The following ST6GALNAC6 variants were observed in gnomAD, a reference collection of about 807,000 sequenced individuals.
ST6GALNAC6 encodes the protein ST6 N-acetylgalactosaminide alpha-2,6-sialyltransferase 6.
Under a neutral mutation model 34.3 loss-of-function variants are expected in ST6GALNAC6, and 19 were observed. The ratio of observed to expected loss-of-function variants is 0.55; its 90% confidence interval spans 0.39 to 0.81. The LOEUF (loss-of-function observed/expected upper bound fraction) is 0.81. ST6GALNAC6 is among the 40% of genes least tolerant of loss of function. The pLI is 0.00. For synonymous variants in ST6GALNAC6, 185 were observed against 182.1 expected (o/e 1.02, Z -0.13); for missense variants, 377 against 467.7 (o/e 0.81, Z 1.79).
In ST6GALNAC6 at chr9:127,887,595, G is replaced by C; in HGVS notation, c.705-4C>G. On this transcript the variant is annotated splice_polypyrimidine_tract_variant and splice_region_variant and intron_variant, in intron 5 of 6. Coordinates refer to ENST00000373146, the MANE Select transcript of ST6GALNAC6 (RefSeq NM_013443.5). ...CAACCACGAATGAGACTTCTCCCTG[G>C]GGATGGAGAGGGGTCACGATGAGGG... 6.2e-7 allele frequency: 1 copy of C among 1,605,584 alleles called. No individual in the cohort carries two copies. Among genetic ancestry groups the C allele is most frequent in the Non-Finnish European group, 8.5e-7 (1 of 1,174,794 alleles).
At chr9:127,906,269 C>A (rs181187665), upstream of ST6GALNAC6, among the ~76,000 whole-genome samples, 198 of 151,954 alleles carry the variant, frequency 1.3e-3, no homozygotes, top group Non-Finnish European at 2.2e-3. Context: ...ACAAAACAAA[C>A]AAACAAAAAA....
At chr9:127,906,093 G>A, upstream of ST6GALNAC6, 7 of 938,902 alleles carry the variant, frequency 7.5e-6, no homozygotes, top group Non-Finnish European at 8.9e-6. Flanking sequence ...GGGCACAAAA[G>A]CGGTGCTGTG....
intron 4 of ST6GALNAC6, among the ~76,000 whole-genome samples, chr9:127,892,140 A>G (rs949916703): frequency 5.3e-5 from 8 of 152,196 alleles, no homozygotes; most frequent in Admixed American, 2.6e-4. Flanking sequence ...AACAAAAGCG[A>G]AACTCCATCT....
chr9:127,889,498 C>T (rs962245417), intron 5 of ST6GALNAC6, among the ~76,000 whole-genome samples: 23 of 148,054 alleles, frequency 1.6e-4, no homozygotes, highest in Non-Finnish European at 8.9e-5. Flanking sequence ...GGCTGGAGTG[C>T]AATGGCAGGA....
At chr9:127,896,897 C>T in intron 2 of ST6GALNAC6, 1 of 985,402 alleles carries the variant, frequency 1.0e-6, no homozygotes, top group Non-Finnish European at 1.2e-6. Context: ...CACTCAGTTT[C>T]CCTGTGCCTC....
At chr9:127,893,726 G>A (rs1830281802) in intron 4 of ST6GALNAC6, among the ~76,000 whole-genome samples, 1 of 152,204 alleles carries the variant, frequency 6.6e-6, no homozygotes, top group Admixed American at 6.5e-5. Context: ...TTAGGGTAGA[G>A]AAAGACTCAC....
chr9:127,902,276 A>G (rs1340308762), upstream of ST6GALNAC6, among the ~76,000 whole-genome samples: 3 of 151,996 alleles, frequency 2.0e-5, no homozygotes, highest in African/African-American at 7.3e-5. Context: ...CTCCTGCCTC[A>G]GCCTGCCGAG....
At chr9:127,900,627 C>CAGGAT, upstream of ST6GALNAC6, among the ~76,000 whole-genome samples, 1 of 148,160 alleles carries the variant, frequency 6.7e-6, no homozygotes, top group African/African-American at 2.5e-5. Context: ...AAAGGATGGC[C>CAGGAT]AGGATATTTA....
chr9:127,899,644 G>C (rs937545989), upstream of ST6GALNAC6: 15 of 983,372 alleles, frequency 1.5e-5, no homozygotes, highest in African/African-American at 5.3e-5. Context: ...CCGCCGTCAC[G>C]GCCCGGCCCA....
At chr9:127,894,955 G>C (rs1830363956) in intron 3 of ST6GALNAC6, among the ~76,000 whole-genome samples, 1 of 152,204 alleles carries the variant, frequency 6.6e-6, no homozygotes, top group South Asian at 2.1e-4. Context: ...CTAGATCCCA[G>C]GGCAGGGCCT....
intron 5 of ST6GALNAC6, among the ~76,000 whole-genome samples, chr9:127,889,752 AATTTCTATATGCC>A (rs2131490063): frequency 6.6e-6 from 1 of 152,330 alleles, no homozygotes; most frequent in South Asian, 2.1e-4. Context: ...CACAGAAATC[AATTTCTATATGCC>A]ATTTCTATAT....
upstream of ST6GALNAC6, among the ~76,000 whole-genome samples, chr9:127,900,560 C>CAA (rs71380101): frequency 0.11 from 5,064 of 44,110 alleles, 1,330 homozygotes; most frequent in South Asian, 0.24. Context: ...AACTCCGTCT[C>CAA]AAAAAAAAAA....
Position 127,890,939 on chromosome 9 carries a change from GC to G in ST6GALNAC6, c.401del (p.Arg134ProfsTer2). 6.2e-7 allele frequency: 1 copy of G among 1,614,172 alleles called. No homozygotes were observed. The highest frequency in any genetic ancestry group is 8.5e-7 in the Non-Finnish European group (1 of 1,180,018). On this transcript the variant is annotated frameshift_variant, in exon 5 of 7. Coordinates refer to ENST00000373146, the MANE Select transcript of ST6GALNAC6 (RefSeq NM_013443.5). LOFTEE classifies it high-confidence loss of function. This position sits in a 1 kb window ranked among gnomAD's most constrained non-coding sequence, Gnocchi z 4.3. ...AGCCAGTGGTGGGTGCATCATTCAT[GC>G]GGATTGTACACTCAGCCCGCTCGAT... Reference protein sequence around the residue: ...PEIERAECTIRMNDAPTTGYS... With the variant: ...PEIERAECTIXMNDAPTTGYS...
rs774514195 is a variant in ST6GALNAC6, at chr9:127,886,573, T to C, written c.*26A>G. 67 of 1,612,764 alleles carry C rather than the reference T, an allele frequency of 4.2e-5. No homozygotes were observed. The highest frequency in any genetic ancestry group is 5.4e-5 in the Non-Finnish European group (64 of 1,179,358). ...GCGGAGGCTGCTTCTCCTCTGACCC[T>C]CCTGAGGTCCCACAGGCTGGGTGGC... On this transcript the variant is annotated 3_prime_UTR_variant, in exon 7 of 7. Coordinates refer to ENST00000373146, the MANE Select transcript of ST6GALNAC6 (RefSeq NM_013443.5).
Position 127,886,520 on chromosome 9 carries a change from A to C in ST6GALNAC6, c.*79T>G, listed in dbSNP as rs1237535454. On this transcript the variant is annotated 3_prime_UTR_variant, in exon 7 of 7. Coordinates refer to ENST00000373146, the MANE Select transcript of ST6GALNAC6 (RefSeq NM_013443.5). The stretch of plus-strand genomic sequence containing the variant: ...ACACTCCAGCAAGCCTTGATTGGCC[A>C]GAAGATGGTCCCTGGCCTAGCGGCT... The C allele has an allele frequency of 3.2e-6, 5 of 1,568,002 alleles. No individual in the cohort carries two copies.
intron 2 of ST6GALNAC6, chr9:127,897,421 G>C: frequency 1.0e-6 from 1 of 986,652 alleles, no homozygotes; most frequent in Non-Finnish European, 1.2e-6. Context: ...AGAACCTCGG[G>C]CCAGAGGAGG....
In ST6GALNAC6 at chr9:127,894,589, G is replaced by A. The variant is rs149685852; in HGVS notation, c.220C>T (p.Arg74Trp). The A allele has an allele frequency of 7.1e-5, 114 of 1,614,158 alleles. No homozygotes were observed. The highest frequency in any genetic ancestry group is 2.8e-4 in the African/African-American group (21 of 75,042). The change falls in exon 4 of 7, where the codon CGG becomes TGG. Residue 74 changes from arginine to tryptophan, a missense_variant. Arg to Trp is a moderately radical substitution (Grantham distance 101). Transcript: ENST00000373146. ...ANEVFHYGSLRGRSRRPVNLK... is the reference protein window; with the variant it reads ...ANEVFHYGSLWGRSRRPVNLK... ...TTGACAGGTCGGCGGCTACGGCCCC[G>A]CAGGGAGCCGTAATGGAAGACCTCA...
intron 4 of ST6GALNAC6, among the ~76,000 whole-genome samples, chr9:127,894,138 G>A (rs1830306210): frequency 6.6e-6 from 1 of 152,174 alleles, no homozygotes; most frequent in Admixed American, 6.5e-5. Context: ...AAAGGGCCTG[G>A]CACACACACG....
chr9:127,891,267 C>T (rs991012004), intron 4 of ST6GALNAC6, among the ~76,000 whole-genome samples: 2 of 152,086 alleles, frequency 1.3e-5, no homozygotes, highest in Non-Finnish European at 2.9e-5. Flanking sequence ...CTTCAAGAAA[C>T]AGGTGGGGAG....
Sources: allele counts gnomAD v4.1 joint callset (sites outside exome capture counted in the v4.1 genomes callset), GRCh38; gene constraint gnomAD v4.1.1; non-coding constraint Gnocchi (gnomAD v3.1); transcripts MANE v1.5; gene names NCBI Gene and HGNC (gene_info 2026-07-23, HGNC 2026-07-21).